Variants in MMRN2 observed in about 807,000 individuals in gnomAD.
MMRN2 encodes the protein multimerin 2, also known as multimerin-2.
A neutral mutation model predicts 68.8 loss-of-function variants in MMRN2; 53 were observed. The observed-to-expected ratio is 0.77, with a 90% CI of 0.62 to 0.97. The LOEUF is 0.97. MMRN2 is among the 50% of genes least tolerant of loss of function. MMRN2 has a pLI of 0.00. For missense variants in MMRN2, 1,266 were observed against 1,259.5 expected, an observed-to-expected ratio of 1.01 and a Z score of -0.08; for synonymous variants, 564 against 551.6, an observed-to-expected ratio of 1.02 and a Z score of -0.32.
At chr10:86,951,771 G>C (rs996452366) in intron 1 of MMRN2, among the ~76,000 whole-genome samples, 1 of 152,182 alleles carries the variant, frequency 6.6e-6, no homozygotes, top group Non-Finnish European at 1.5e-5. Flanking sequence ...TTGGAACCTG[G>C]ACACAGTGAC....
chr10:86,939,834 TGTGTTTGTGTGTG>T (rs1564730634), intron 6 of MMRN2, among the ~76,000 whole-genome samples: 7 of 134,548 alleles, frequency 5.2e-5, no homozygotes, highest in Non-Finnish European at 9.8e-5. Flanking sequence ...TGTGTGTGTG[TGTGTTTGTGTGTG>T]TGTGTGTGTG....
intron 1 of MMRN2, among the ~76,000 whole-genome samples, chr10:86,948,372 A>G (rs11202272): frequency 6.6e-6 from 1 of 152,012 alleles, no homozygotes; most frequent in Non-Finnish European, 1.5e-5. Context: ...GCACCCAAGA[A>G]ACAAGACCAG....
At chr10:86,954,014 C>T (rs1844180152) in intron 1 of MMRN2, 1 of 152,604 alleles carries the variant, frequency 6.6e-6, no homozygotes, top group Non-Finnish European at 1.5e-5. Context: ...GCTGCTGGCC[C>T]AGAACCCTGG....
chr10:86,939,991 C>G (rs1336279934), intron 6 of MMRN2, among the ~76,000 whole-genome samples: 1 of 150,688 alleles, frequency 6.6e-6, no homozygotes, highest in African/African-American at 2.4e-5. Flanking sequence ...GTTGGGATTA[C>G]AGGTGCCTGC....
chr10:86,944,797 G>T (rs1303006049), intron 4 of MMRN2, among the ~76,000 whole-genome samples: 1 of 152,192 alleles, frequency 6.6e-6, no homozygotes, highest in African/African-American at 2.4e-5. Flanking sequence ...TGCTGCAAAT[G>T]GTGTCTCTTG....
rs116088707 is a variant in MMRN2 at position 86,952,222 on chromosome 10, C to T, written c.164+5156G>A. Reference sequence around the variant, plus strand: ...AGTGCATCTCCAAGGGATCAGTCAACGTAAAAAGGGGACACCTCACGATAA... The same window carrying T: ...AGTGCATCTCCAAGGGATCAGTCAATGTAAAAAGGGGACACCTCACGATAA... On this transcript the variant is annotated intron_variant, in intron 1 of 6. Transcript: ENST00000372027. Among the ~76,000 whole-genome samples, 790 of 152,164 alleles carry T rather than the reference C, an allele frequency of 5.2e-3. 6 individuals carry two copies. The highest frequency in any genetic ancestry group is 0.017 in the African/African-American group (716 of 41,514).
chr10:86,943,964 A>C lies in MMRN2; in HGVS notation c.820T>G (p.Ser274Ala). ...LDVEANRQAI[S>A]RVQDSAVARA... The stretch of plus-strand genomic sequence containing the variant: ...GCCACGGCACTGTCCTGGACTCTGG[A>C]GATGGCCTGGCGGTTGGCCTCCACG... The change falls in exon 6 of 7, where the codon TCC (serine) becomes GCC (alanine). Residue 274 changes from serine (S) to alanine (A), a missense_variant. By Grantham distance (99) the Ser-to-Ala change is moderately conservative. Transcript: ENST00000372027. The surrounding 1 kb of genome is among the most constrained non-coding windows in gnomAD (Gnocchi z 4.2). 1.2e-6 allele frequency: 2 copies of C among 1,614,128 alleles called. No homozygotes were observed. Among genetic ancestry groups the C allele is most frequent in the Non-Finnish European group, 1.7e-6 (2 of 1,180,016 alleles).
chr10:86,950,312 C>T (rs1352302157), intron 1 of MMRN2, among the ~76,000 whole-genome samples: 1 of 151,932 alleles, frequency 6.6e-6, no homozygotes. Flanking sequence ...TGCACTCCAG[C>T]CTGGGTGACA....
chr10:86,948,391 GA>G (rs1462286380), intron 1 of MMRN2, among the ~76,000 whole-genome samples: 2 of 151,988 alleles, frequency 1.3e-5, no homozygotes, highest in South Asian at 2.1e-4. Flanking sequence ...AGGAAGCTAT[GA>G]AAAAAACAAA....
intron 1 of MMRN2, among the ~76,000 whole-genome samples, 165 bp downstream of exon 1, chr10:86,957,213 C>T (rs1187564252): frequency 6.6e-6 from 1 of 152,240 alleles, no homozygotes; most frequent in African/African-American, 2.4e-5. Flanking sequence ...GATCCTGAAA[C>T]ACCCAGTCCA....
chr10:86,950,112 C>T (rs1038609654), intron 1 of MMRN2, among the ~76,000 whole-genome samples: 4 of 151,776 alleles, frequency 2.6e-5, no homozygotes, highest in South Asian at 2.1e-4. Context: ...TTTGGGAGGC[C>T]GAAGCAGGCG....
chr10:86,940,172 G>T (rs779934712), intron 6 of MMRN2, among the ~76,000 whole-genome samples: 1 of 151,802 alleles, frequency 6.6e-6, no homozygotes, highest in Admixed American at 6.6e-5. Context: ...CACCACACCC[G>T]GCTAATTTTG....
At chr10:86,945,820 A>G in intron 1 of MMRN2, 131 bp from the exon 2 acceptor site, 1 of 1,510,726 alleles carries the variant, frequency 6.6e-7, no homozygotes, top group Non-Finnish European at 8.9e-7. Context: ...TCCTGAGAAG[A>G]GAGCCTTCCG....
intron 1 of MMRN2, among the ~76,000 whole-genome samples, chr10:86,955,320 G>T (rs1478224715): frequency 6.6e-5 from 10 of 152,200 alleles, no homozygotes; most frequent in Non-Finnish European, 1.5e-4. Context: ...TCCTCCCGGA[G>T]TCCTAATGCT....
chr10:86,946,674 C>A (rs767051227), intron 1 of MMRN2, among the ~76,000 whole-genome samples: 23 of 152,168 alleles, frequency 1.5e-4, no homozygotes, highest in Non-Finnish European at 2.6e-4. Flanking sequence ...AGAGCCCTTC[C>A]CCAGGCAGCC....
intron 6 of MMRN2, among the ~76,000 whole-genome samples, chr10:86,942,039 G>GA (rs1843978758): frequency 6.6e-6 from 1 of 152,126 alleles, no homozygotes; most frequent in Non-Finnish European, 1.5e-5. Context: ...AGCAGGAGCA[G>GA]TAGGCGGCAC....
In MMRN2 at chr10:86,942,781, GC is replaced by G. The variant is rs1554893657; in HGVS notation, c.2002del (p.Ala668ProfsTer37). 7.3e-7 allele frequency: 1 copy of G among 1,371,368 alleles called. No individual in the cohort carries two copies. The highest frequency in any genetic ancestry group is 1.7e-5 in the South Asian group (1 of 59,910). The allele number at this position is 1,371,368 out of a possible 1,614,324, so 84.9% of individuals were successfully genotyped here. ...LAARVTALEQ[A>X]SEPPRPAEHL... The stretch of plus-strand genomic sequence containing the variant: ...CTCTGCCGGCCGCGGGGGCTCCGAG[GC>G]CTGCTCCAGGGCCGTCACTCGGGCG... On this transcript the variant is annotated frameshift_variant, in exon 6 of 7. Transcript: ENST00000372027. LOFTEE classifies it high-confidence loss of function.
rs753576513 is a variant in MMRN2 at position 86,943,514 on chromosome 10, C to T, written c.1270G>A (p.Asp424Asn). ...ELYSESDETF[D>N]QISKVERQVE... ...TGCCGCTCCACCTTGCTAATCTGATCGAAAGTCTCGTCCGATTCGGAGTAC... is the reference window on the plus strand; with the variant it reads ...TGCCGCTCCACCTTGCTAATCTGATTGAAAGTCTCGTCCGATTCGGAGTAC... The change falls in exon 6 of 7, where the codon GAT becomes AAT. Residue 424 changes from aspartate to asparagine, a missense_variant. Asp to Asn is a conservative substitution (Grantham distance 23). Transcript: ENST00000372027. The surrounding 1 kb of genome is among the most constrained non-coding windows in gnomAD (Gnocchi z 4.2). 3.1e-6 allele frequency: 5 copies of T among 1,614,228 alleles called. No homozygotes were observed. Among genetic ancestry groups the T allele is most frequent in the South Asian group, 1.1e-5 (1 of 91,080 alleles).
In MMRN2 at chr10:86,943,152, C is replaced by T; in HGVS notation, c.1632G>A (p.Ser544=). The T allele has an allele frequency of 6.3e-7, 1 of 1,596,426 alleles. No individual in the cohort carries two copies. The highest frequency in any genetic ancestry group is 8.5e-7 in the Non-Finnish European group (1 of 1,173,268). ...CCGCTTTGTGCGCGTCCACGGCCAG[C>T]GACACGGCGTCCACGGCGTTCTGCA... is the stretch of plus-strand genomic sequence containing the variant. The part of the protein sequence containing the change: ...QALQNAVDAV[S]LAVDAHKAEG... The change falls in exon 6 of 7, where the codon TCG becomes TCA. Residue 544 remains serine (S), a synonymous_variant. Transcript: ENST00000372027. This position sits in a 1 kb window ranked among gnomAD's most constrained non-coding sequence, Gnocchi z 4.2.
Sources: gnomAD v4.1 joint callset for allele counts (sites outside exome capture counted in the v4.1 genomes callset) on GRCh38, gnomAD v4.1.1 for gene constraint, Gnocchi (gnomAD v3.1) non-coding constraint, MANE v1.5 for transcripts, NCBI Gene and HGNC (gene_info 2026-07-23, HGNC 2026-07-21) for gene names.